ZBTB45: variants seen among roughly 807,000 people sequenced by gnomAD.
ZBTB45 encodes zinc finger and BTB domain containing 45.
Under a neutral mutation model 28.4 loss-of-function variants are expected in ZBTB45, and 22 were observed. The observed-to-expected ratio is 0.77, with a 90% CI of 0.55 to 1.10. ZBTB45 has a LOEUF of 1.10. ZBTB45 is among the 50% of genes least tolerant of loss of function. The pLI is 0.00. For synonymous variants in ZBTB45, 361 were observed against 332.3 expected (o/e 1.09, Z -0.94); for missense variants, 656 against 750.2 (o/e 0.87, Z 1.47).
At chr19:58,518,090 G>A (rs2053538664) in intron 1 of ZBTB45, among the ~76,000 whole-genome samples, 1 of 141,322 alleles carries the variant, frequency 7.1e-6, no homozygotes, top group Admixed American at 7.5e-5. Context: ...GAAGAGGCCA[G>A]GGACCCCCAT....
In ZBTB45 at chr19:58,516,760, T is replaced by G. The variant is rs780043584; in HGVS notation, c.914A>C (p.Glu305Ala). 6 of 1,613,190 alleles carry G rather than the reference T, an allele frequency of 3.7e-6. No homozygotes were observed. The highest frequency in any genetic ancestry group is 5.1e-6 in the Non-Finnish European group (6 of 1,179,684). Residue 305 changes from glutamate (E) to alanine (A), a missense_variant, in exon 2 of 3, where the codon GAG (glutamate) becomes GCG (alanine). By Grantham distance (107) the Glu-to-Ala change is moderately radical. Transcript: ENST00000594051. The surrounding 1 kb of genome is among the most constrained non-coding windows in gnomAD (Gnocchi z 6.2). ...DGAVPEGCPT[E>A]TPVQPDCILS... ...TATGCAGTCGGGCTGGACAGGGGTC[T>G]CAGTGGGACAGCCTTCGGGGACAGC...
intron 1 of ZBTB45, among the ~76,000 whole-genome samples, chr19:58,530,318 T>G (rs768393691): frequency 1.3e-4 from 19 of 150,692 alleles, no homozygotes; most frequent in Non-Finnish European, 7.4e-5. Context: ...ACTTTTAGTG[T>G]TTTTTTTTGA....
chr19:58,516,594 G>T lies in ZBTB45; in HGVS notation c.1080C>A (p.Phe360Leu). ...CTGCCTCGGGCTGGAGTGTGGGGTA[G>T]AAGGCGGGTGGGGGCGCAGGGGCTG... ...SGPAPAPPPAFYPTLQPEAAP... is the reference protein window; with the variant it reads ...SGPAPAPPPALYPTLQPEAAP... The change falls in exon 2 of 3, where the codon TTC (phenylalanine) becomes TTA (leucine). Residue 360 changes from phenylalanine (F) to leucine (L), a missense_variant. Around this residue, in one of 3 missense-constraint regions of ZBTB45, gnomAD observed 448 missense variants for 444.3 expected, o/e 1.01. Coordinates refer to ENST00000594051, the MANE Select transcript of ZBTB45 (RefSeq NM_001316979.2). The surrounding 1 kb of genome is among the most constrained non-coding windows in gnomAD (Gnocchi z 6.2). 5 of 1,569,220 alleles carry T rather than the reference G, an allele frequency of 3.2e-6. No individual in the cohort carries two copies. The highest frequency in any genetic ancestry group is 4.3e-6 in the Non-Finnish European group (5 of 1,157,672).
chr19:58,533,083 G>A (rs574490835), intron 1 of ZBTB45, among the ~76,000 whole-genome samples: 8 of 149,172 alleles, frequency 5.4e-5, no homozygotes, highest in East Asian at 4.0e-4. Flanking sequence ...TGATCCACCC[G>A]CCTTGGCCTC....
chr19:58,538,695 C>T (rs2053674855), intron 1 of ZBTB45: 1 of 152,314 alleles, frequency 6.6e-6, no homozygotes, highest in African/African-American at 2.4e-5. Flanking sequence ...GGCTAGCCAC[C>T]TTTACCTGTG....
chr19:58,516,646 G>A lies in ZBTB45; in HGVS notation c.1028C>T (p.Ala343Val). The A allele has an allele frequency of 1.3e-6, 2 of 1,561,486 alleles. No individual in the cohort carries two copies. Among genetic ancestry groups the A allele is most frequent in the African/African-American group, 1.4e-5 (1 of 73,934 alleles). The change falls in exon 2 of 3, where the codon GCA (alanine) becomes GTA (valine). Residue 343 changes from alanine (A) to valine (V), a missense_variant. This residue lies in a region of ZBTB45 where 448 missense variants were observed against 444.3 expected (regional missense o/e 1.01). Transcript: ENST00000594051. The surrounding 1 kb of genome is among the most constrained non-coding windows in gnomAD (Gnocchi z 6.2). ...PFHLGAPGPP[A>V]PPPSAPSGPA... ...CCCCGATGGTGCTGAAGGGGGTGGT[G>A]CGGGTGGCCCAGGGGCACCCAAGTG...
At chr19:58,519,599 C>T (rs1310404814) in intron 1 of ZBTB45, 143 bp downstream of exon 1, 1 of 152,744 alleles carries the variant, frequency 6.5e-6, no homozygotes, top group Non-Finnish European at 1.5e-5. Flanking sequence ...CCACCCCGCA[C>T]TCTGGCCCCC....
intron 1 of ZBTB45, among the ~76,000 whole-genome samples, chr19:58,531,184 G>A (rs2053634115): frequency 6.6e-6 from 1 of 152,156 alleles, no homozygotes; most frequent in Non-Finnish European, 1.5e-5. Context: ...CCATCCTAGT[G>A]GGCGTGAAGC....
Position 58,513,989 on chromosome 19 carries a change from G to A in ZBTB45, c.*65C>T. On this transcript the variant is annotated 3_prime_UTR_variant, in exon 3 of 3. Transcript: ENST00000594051. ...AGTGGCGGGAACCACGGGTCCCGCA[G>A]CGGGCGTGGCCGACTGTGCGGGAGG... 2 of 1,349,224 alleles carry A rather than the reference G, an allele frequency of 1.5e-6. No homozygotes were observed. Among genetic ancestry groups the A allele is most frequent in the Non-Finnish European group, 1.9e-6 (2 of 1,056,234 alleles). The allele number at this position is 1,349,224 out of a possible 1,614,324, so 83.6% of individuals were successfully genotyped here.
rs535361155 is a variant in ZBTB45, at chr19:58,516,899, G to A, written c.775C>T (p.Pro259Ser). Residue 259 changes from proline (P) to serine (S), a missense_variant, in exon 2 of 3, where the codon CCC becomes TCC. Transcript: ENST00000594051. This position sits in a 1 kb window ranked among gnomAD's most constrained non-coding sequence, Gnocchi z 6.2. Reference protein sequence around the residue: ...ADSACEEPPAPTGLADYSGAG... With the variant: ...ADSACEEPPASTGLADYSGAG... ...CCACTGTAGTCAGCGAGGCCAGTGG[G>A]TGCAGGGGGCTCCTCGCACGCGCTG... 4 of 1,613,374 alleles carry A rather than the reference G, an allele frequency of 2.5e-6. No individual in the cohort carries two copies. In the Admixed American group the frequency reaches 5.0e-5, roughly 20 times the overall value.
intron 1 of ZBTB45, among the ~76,000 whole-genome samples, chr19:58,535,045 G>A (rs796858355): frequency 2.6e-5 from 4 of 151,578 alleles, no homozygotes; most frequent in African/African-American, 4.8e-5. Context: ...TAGTAGAGAA[G>A]GGGTTTCATC....
intron 1 of ZBTB45, among the ~76,000 whole-genome samples, chr19:58,533,676 T>C (rs1295308344): frequency 1.3e-5 from 2 of 152,184 alleles, no homozygotes; most frequent in African/African-American, 4.8e-5. Flanking sequence ...TCATCTTTTG[T>C]TCTCCATTCT....
At chr19:58,538,436 C>G (rs2053672889) in intron 1 of ZBTB45, among the ~76,000 whole-genome samples, 1 of 151,996 alleles carries the variant, frequency 6.6e-6, no homozygotes, top group African/African-American at 2.4e-5. Flanking sequence ...AGGCGTGGCC[C>G]TATGAAGGGG....
In ZBTB45 at chr19:58,514,030, G is replaced by A; in HGVS notation, c.*24C>T. ...GTGCGGGAGGCCCCGGATCCACCGT[G>A]GGCGAGGCCAGGCCCCAGCGCCATC... On this transcript the variant is annotated 3_prime_UTR_variant, in exon 3 of 3. Transcript: ENST00000594051. 1 of 1,387,046 alleles carries A rather than the reference G, an allele frequency of 7.2e-7. No individual in the cohort carries two copies. 85.9% of individuals were successfully genotyped at this position (1,387,046 alleles called of 1,614,324 possible). A position where few individuals can be genotyped will look rare whatever the true frequency, so the allele number is the denominator to read the frequency against.
Position 58,526,897 on chromosome 19 carries a change from G to A in ZBTB45, c.1-9224C>T, listed in dbSNP as rs116371515. On this transcript the variant is annotated intron_variant, in intron 1 of 1. Coordinates refer to the ZBTB45 transcript ENST00000600130. ...GCCTGGAGTGCAGCAGCATGATCAC[G>A]GCTCACTGCAGCCTCATCCTCCCAG... Among the ~76,000 whole-genome samples, 1,267 of 152,034 alleles carry A rather than the reference G, an allele frequency of 8.3e-3. 19 individuals are homozygous for A. The highest frequency in any genetic ancestry group is 0.028 in the African/African-American group (1,148 of 41,442).
In ZBTB45 at chr19:58,516,572, C is replaced by A; in HGVS notation, c.1102G>T (p.Ala368Ser). 2 of 1,592,128 alleles carry A rather than the reference C, an allele frequency of 1.3e-6. No individual in the cohort carries two copies. The highest frequency in any genetic ancestry group is 1.7e-6 in the Non-Finnish European group (2 of 1,168,928). The change falls in exon 2 of 3, where the codon GCA becomes TCA. Residue 368 changes from alanine (A) to serine (S), a missense_variant. Around this residue, in one of 3 missense-constraint regions of ZBTB45, gnomAD observed 448 missense variants for 444.3 expected, o/e 1.01. Transcript: ENST00000594051. This position sits in a 1 kb window ranked among gnomAD's most constrained non-coding sequence, Gnocchi z 6.2. ...TCCCCCAGCTGAGTACTGGGGGCTGCCTCGGGCTGGAGTGTGGGGTAGAAG... is the reference window on the plus strand; with the variant it reads ...TCCCCCAGCTGAGTACTGGGGGCTGACTCGGGCTGGAGTGTGGGGTAGAAG... ...PAFYPTLQPE[A>S]APSTQLGEVP...
In ZBTB45 at chr19:58,517,432, C is replaced by T. The variant is rs773622195; in HGVS notation, c.242G>A (p.Arg81Gln). ...GCTGTACAGGAACTCTACCAGCTGT[C>T]GCACTGTCTGCGCGGGCACCACCGG... ...VPPVVPAQTV[R>Q]QLVEFLYSGS... Residue 81 changes from arginine (R) to glutamine (Q), a missense_variant, in exon 2 of 3, where the codon CGA (arginine) becomes CAA (glutamine). Arg to Gln is a conservative substitution (Grantham distance 43). This residue lies in a region of ZBTB45 where 105 missense variants were observed against 152.4 expected (regional missense o/e 0.69). Transcript: ENST00000594051. The T allele has an allele frequency of 2.9e-5, 47 of 1,612,858 alleles. No individual in the cohort carries two copies. The highest frequency in any genetic ancestry group is 3.6e-5 in the Non-Finnish European group (43 of 1,179,844).
chr19:58,520,913 G>A (rs2053571386), upstream of ZBTB45, among the ~76,000 whole-genome samples: 1 of 151,352 alleles, frequency 6.6e-6, no homozygotes. Flanking sequence ...TTAGCTGGGC[G>A]TGGTGGCAGG....
rs148409132 is a variant in ZBTB45 at position 58,530,077 on chromosome 19, C to G, written c.-1+8624G>C. On this transcript the variant is annotated intron_variant, in intron 1 of 1. Transcript: ENST00000600130. Reference sequence around the variant, plus strand: ...AATTAGCCAAGCATGATGGTGCATGCCTGCAGTCCCAGCTACTTGGGTAGG... The same window carrying G: ...AATTAGCCAAGCATGATGGTGCATGGCTGCAGTCCCAGCTACTTGGGTAGG... Among the ~76,000 whole-genome samples, 630 of 152,160 alleles carry G rather than the reference C, an allele frequency of 4.1e-3. 8 individuals are homozygous for G. The highest frequency in any genetic ancestry group is 0.015 in the African/African-American group (611 of 41,514).
Sources: gnomAD v4.1 joint callset for allele counts (sites outside exome capture counted in the v4.1 genomes callset) on GRCh38, gnomAD v4.1.1 for gene constraint, gnomAD v4.1.1 regional missense constraint, Gnocchi (gnomAD v3.1) non-coding constraint, MANE v1.5 for transcripts, NCBI Gene and HGNC (gene_info 2026-07-23, HGNC 2026-07-21) for gene names.